COL24A1: variants seen among roughly 807,000 people sequenced by gnomAD.
COL24A1 encodes the protein collagen type XXIV alpha 1 chain.
A neutral mutation model predicts 253.9 loss-of-function variants in COL24A1; 224 were observed. The observed-to-expected ratio is 0.88, with a 90% CI of 0.79 to 0.99. COL24A1 has a LOEUF of 0.99. Among genes scored for constraint, COL24A1 ranks in the 50% least tolerant of loss-of-function variants. The pLI is 0.00. For missense variants in COL24A1, 2,131 were observed against 2,068.5 expected, an observed-to-expected ratio of 1.03 and a Z score of -0.59; for synonymous variants, 685 against 673.7, an observed-to-expected ratio of 1.02 and a Z score of -0.26.
At chr1:85,965,658 A>G (rs1291563883) in intron 22 of COL24A1, among the ~76,000 whole-genome samples, 1 of 152,070 alleles carries the variant, frequency 6.6e-6, no homozygotes, top group Non-Finnish European at 1.5e-5. Flanking sequence ...CCCTCAACCA[A>G]CTTCCCCAGA....
chr1:85,761,052 C>T (rs976872199), intron 55 of COL24A1, among the ~76,000 whole-genome samples: 7 of 152,054 alleles, frequency 4.6e-5, no homozygotes, highest in Non-Finnish European at 1.0e-4. Flanking sequence ...AAAAAGAGAA[C>T]ATTTAAAAAA....
chr1:85,990,311 C>G (rs561205146), intron 19 of COL24A1, among the ~76,000 whole-genome samples: 2 of 152,294 alleles, frequency 1.3e-5, no homozygotes, highest in Admixed American at 6.5e-5. Context: ...CTTTTTGGCA[C>G]CAGTTTCATG....
intron 7 of COL24A1, among the ~76,000 whole-genome samples, chr1:86,079,824 A>T (rs554829465): frequency 6.6e-6 from 1 of 152,318 alleles, no homozygotes; most frequent in Non-Finnish European, 1.5e-5. Flanking sequence ...ATTCATGGGA[A>T]GGTAAATTAG....
At chr1:86,114,184 G>A (rs1339356490) in intron 4 of COL24A1, among the ~76,000 whole-genome samples, 2 of 151,994 alleles carry the variant, frequency 1.3e-5, no homozygotes, top group Admixed American at 1.3e-4. Context: ...AGTTAGATGA[G>A]GTGAAATTAG....
At chr1:85,983,976 A>G (rs989753755) in intron 20 of COL24A1, among the ~76,000 whole-genome samples, 1 of 151,848 alleles carries the variant, frequency 6.6e-6, no homozygotes, top group African/African-American at 2.4e-5. Context: ...TGTTTATTAA[A>G]TAAACTTAGA....
At chr1:85,859,734 A>C in intron 37 of COL24A1, among the ~76,000 whole-genome samples, 1 of 152,154 alleles carries the variant, frequency 6.6e-6, no homozygotes, top group East Asian at 1.9e-4. Flanking sequence ...ACTGCAACCC[A>C]TTTGTGTATC....
At chr1:86,057,102 G>C (rs556591396) in intron 10 of COL24A1, among the ~76,000 whole-genome samples, 3 of 152,214 alleles carry the variant, frequency 2.0e-5, no homozygotes, top group African/African-American at 7.2e-5. Context: ...TGGATTGGGG[G>C]GCGGATCCCT....
intron 3 of COL24A1, among the ~76,000 whole-genome samples, chr1:86,121,374 C>T (rs1452016512): frequency 2.6e-5 from 4 of 151,644 alleles, no homozygotes; most frequent in Non-Finnish European, 4.4e-5. Flanking sequence ...TTTATTAGCA[C>T]ATAATAAAGA....
chr1:85,954,645 C>T (rs542649962), intron 24 of COL24A1, among the ~76,000 whole-genome samples: 1 of 152,062 alleles, frequency 6.6e-6, no homozygotes, highest in Admixed American at 6.6e-5. Flanking sequence ...TTATCATATT[C>T]AGGTAAACAT....
Position 85,938,650 on chromosome 1 carries a change from G to T in COL24A1, c.2562+22599C>A, listed in dbSNP as rs1688446242. 1.4e-5 allele frequency among the ~76,000 whole-genome samples: 2 copies of T among 145,904 alleles called. 1 individual carries two copies. The highest frequency in any genetic ancestry group is 5.1e-4 in the South Asian group (2 of 3,920). ...GAAGTAGATCCAAGCAGAACAAGGA[G>T]TAGACTGTGGTGAACACCAAGATAT... On this transcript the variant is annotated intron_variant, in intron 24 of 59. Transcript: ENST00000370571.
chr1:85,786,110 G>A (rs1270295654), intron 48 of COL24A1, among the ~76,000 whole-genome samples: 2 of 152,178 alleles, frequency 1.3e-5, no homozygotes, highest in African/African-American at 4.8e-5. Flanking sequence ...CAAAGACATA[G>A]CATTTTTTAA....
At chr1:86,096,835 CT>C (rs1463326295) in intron 5 of COL24A1, among the ~76,000 whole-genome samples, 1 of 152,122 alleles carries the variant, frequency 6.6e-6, no homozygotes, top group Non-Finnish European at 1.5e-5. Flanking sequence ...CAATAATTGT[CT>C]TAGTCAATTC....
intron 7 of COL24A1, among the ~76,000 whole-genome samples, chr1:86,071,425 G>A (rs1557493708): frequency 1.3e-5 from 2 of 152,084 alleles, no homozygotes; most frequent in African/African-American, 2.4e-5. Context: ...GAATGTAAAT[G>A]GACTAACCTC....
At chr1:86,106,906 G>A (rs942668633) in intron 5 of COL24A1, among the ~76,000 whole-genome samples, 5 of 152,032 alleles carry the variant, frequency 3.3e-5, no homozygotes, top group African/African-American at 1.2e-4. Flanking sequence ...CTAAATTTGT[G>A]TGTGGCACTT....
chr1:85,832,018 T>C (rs1375194496), intron 43 of COL24A1, among the ~76,000 whole-genome samples: 1 of 152,056 alleles, frequency 6.6e-6, no homozygotes, highest in African/African-American at 2.4e-5. Flanking sequence ...ATGTCCTGAA[T>C]GGTATTGCCT....
intron 53 of COL24A1, among the ~76,000 whole-genome samples, chr1:85,769,719 C>G (rs1176590458): frequency 1.3e-5 from 2 of 152,124 alleles, no homozygotes; most frequent in South Asian, 4.1e-4. Context: ...CTGGTCCTAC[C>G]AGGACATAGG....
At chr1:85,852,812 A>G (rs572435847) in intron 37 of COL24A1, among the ~76,000 whole-genome samples, 3 of 152,106 alleles carry the variant, frequency 2.0e-5, no homozygotes, top group South Asian at 4.2e-4. Context: ...ATTTTTGTAT[A>G]TTACTTTTAT....
intron 32 of COL24A1, among the ~76,000 whole-genome samples, chr1:85,880,429 G>C (rs1681694238): frequency 6.6e-6 from 1 of 152,072 alleles, no homozygotes; most frequent in African/African-American, 2.4e-5. Context: ...ATCAGTTCTT[G>C]AAGATTTTTT....
At chr1:85,925,838 TA>T (rs1031016048) in intron 24 of COL24A1, among the ~76,000 whole-genome samples, 23 of 152,046 alleles carry the variant, frequency 1.5e-4, no homozygotes, top group East Asian at 7.7e-4. Flanking sequence ...CTAGTTAAAC[TA>T]AAGAGCTTCT....
Sources: allele counts gnomAD v4.1 joint callset (sites outside exome capture counted in the v4.1 genomes callset), GRCh38; gene constraint gnomAD v4.1.1; transcripts MANE v1.5; gene names NCBI Gene and HGNC (gene_info 2026-07-23, HGNC 2026-07-21).